The following PHACTR2 variants were observed in gnomAD, a reference collection of about 807,000 sequenced individuals.
PHACTR2 encodes the protein chromosome 6 open reading frame 56.
Under a neutral mutation model 76.0 loss-of-function variants are expected in PHACTR2, and 30 were observed. That is an observed-to-expected ratio of 0.39 (90% CI 0.30 to 0.54). The LOEUF (loss-of-function observed/expected upper bound fraction) is 0.54. Ranked by LOEUF, PHACTR2 falls within the 20% of genes least tolerant of loss-of-function variation. The pLI is 0.61. For synonymous variants in PHACTR2, 292 were observed against 292.5 expected, an observed-to-expected ratio of 1.00 and a Z score of 0.02; for missense variants, 696 against 781.1, an observed-to-expected ratio of 0.89 and a Z score of 1.30.
rs1777454063 is a variant in PHACTR2, at chr6:143,683,866, T to A, written c.46+5657T>A. 6.6e-6 allele frequency among the ~76,000 whole-genome samples: 1 copy of A among 152,192 alleles called. No individual in the cohort carries two copies. The highest frequency in any genetic ancestry group is 1.5e-5 in the Non-Finnish European group (1 of 68,036). On this transcript the variant is annotated intron_variant, in intron 1 of 12. Transcript: ENST00000440869. The surrounding 1 kb of genome is among the most constrained non-coding windows in gnomAD (Gnocchi z 4.1). ...ATCTATAACCCAGCATGAACAGTTT[T>A]TTTCATTCCACACAGTTTTCATTCA...
In PHACTR2 at chr6:143,592,447, G is replaced by A. The variant is rs1222560115; in HGVS notation, c.217+55240G>A. On this transcript the variant is annotated intron_variant, in intron 1 of 11. Coordinates refer to the PHACTR2 transcript ENST00000367584. The surrounding 1 kb of genome is among the most constrained non-coding windows in gnomAD (Gnocchi z 4.0). ...ATTAACTGAGATTTTTCCATCCAAAGCCTTGGATGGAAATCCTAATTCCAA... is the reference window on the plus strand; with the variant it reads ...ATTAACTGAGATTTTTCCATCCAAAACCTTGGATGGAAATCCTAATTCCAA... 6.6e-5 allele frequency among the ~76,000 whole-genome samples: 10 copies of A among 152,036 alleles called. No homozygotes were observed. Among genetic ancestry groups the A allele is most frequent in the Non-Finnish European group, 1.5e-4 (10 of 68,006 alleles).
At chr6:143,574,728 T>A (rs1266284998) in intron 1 of PHACTR2, among the ~76,000 whole-genome samples, 3 of 151,930 alleles carry the variant, frequency 2.0e-5, no homozygotes, top group Non-Finnish European at 4.4e-5. Flanking sequence ...GTCAGTTATG[T>A]TGGAAATTTG....
chr6:143,709,755 T>C lies in PHACTR2; in HGVS notation c.47-2261T>C, dbSNP rs1325379515. ...CCTTGATACCACAGTTGGGGTGGTC[T>C]TGTTCCCAGTGTGCAATGATTTGGC... On this transcript the variant is annotated intron_variant, in intron 1 of 12. Coordinates refer to ENST00000440869, the MANE Select transcript of PHACTR2 (RefSeq NM_001100164.2). This position sits in a 1 kb window ranked among gnomAD's most constrained non-coding sequence, Gnocchi z 4.4. Among the ~76,000 whole-genome samples the C allele has an allele frequency of 6.6e-6, 1 of 152,150 alleles. No homozygotes were observed. The highest frequency in any genetic ancestry group is 1.5e-5 in the Non-Finnish European group (1 of 68,008).
Position 143,827,167 on chromosome 6 carries a change from T to A in PHACTR2, c.*3478T>A, listed in dbSNP as rs958900718. 63 of 83,386 alleles carry A rather than the reference T, an allele frequency of 7.6e-4. No individual in the cohort carries two copies. The highest frequency in any genetic ancestry group is 2.5e-3 in the African/African-American group (61 of 23,974). The allele number at this position is 83,386 out of a possible 1,614,324, so 5.2% of individuals were successfully genotyped here. On this transcript the variant is annotated 3_prime_UTR_variant, in exon 13 of 13. Coordinates refer to ENST00000440869, the MANE Select transcript of PHACTR2 (RefSeq NM_001100164.2). ...CATTAAAAAAGAAAATATATATATA[T>A]ATATATATATATATATATATATATA... is the stretch of plus-strand genomic sequence containing the variant.
Position 143,617,990 on chromosome 6 carries a change from A to G in PHACTR2, c.13+9668A>G, listed in dbSNP as rs182917006. Among the ~76,000 whole-genome samples the G allele has an allele frequency of 4.3e-4, 66 of 152,316 alleles. 1 individual carries two copies. The highest frequency in any genetic ancestry group is 1.4e-3 in the African/African-American group (57 of 41,566). ...CACCACAGTGGCAAAAACTATTTCT[A>G]AAGAGACTACATGTGAAATTTAACT... is the stretch of plus-strand genomic sequence containing the variant. On this transcript the variant is annotated intron_variant, in intron 1 of 11. Coordinates refer to the PHACTR2 transcript ENST00000305766. This position sits in a 1 kb window ranked among gnomAD's most constrained non-coding sequence, Gnocchi z 4.8.
rs1271462972 is a variant in PHACTR2 at position 143,803,368 on chromosome 6, C to T, written c.1846-3689C>T. Among the ~76,000 whole-genome samples, 1 of 151,980 alleles carries T rather than the reference C, an allele frequency of 6.6e-6. No homozygotes were observed. Among genetic ancestry groups the T allele is most frequent in the Non-Finnish European group, 1.5e-5 (1 of 68,008 alleles). ...TTTGAGACCAGCCTGGCCAACATTG[C>T]GAAATCCATCTCCACAAAAGATACA... On this transcript the variant is annotated intron_variant, in intron 11 of 12. Coordinates refer to ENST00000440869, the MANE Select transcript of PHACTR2 (RefSeq NM_001100164.2). This position sits in a 1 kb window ranked among gnomAD's most constrained non-coding sequence, Gnocchi z 4.7.
rs1775799483 is a variant in PHACTR2, at chr6:143,795,204, A to G, written c.1845+6294A>G. ...CAAGGTGGGAGGGTCACTTGAGGCCAGGAGTTAAAGACCAGCCTGAGCAAC... is the reference window on the plus strand; with the variant it reads ...CAAGGTGGGAGGGTCACTTGAGGCCGGGAGTTAAAGACCAGCCTGAGCAAC... On this transcript the variant is annotated intron_variant, in intron 11 of 12. Transcript: ENST00000440869. The surrounding 1 kb of genome is among the most constrained non-coding windows in gnomAD (Gnocchi z 4.8). Among the ~76,000 whole-genome samples, 3 of 152,200 alleles carry G rather than the reference A, an allele frequency of 2.0e-5. No homozygotes were observed. The highest frequency in any genetic ancestry group is 4.4e-5 in the Non-Finnish European group (3 of 68,036).
intron 1 of PHACTR2, among the ~76,000 whole-genome samples, chr6:143,600,441 A>G (rs565128326): frequency 6.6e-6 from 1 of 152,380 alleles, no homozygotes; most frequent in African/African-American, 2.4e-5. Context: ...CATTGCTGCC[A>G]ACTCAATAAT....
At chr6:143,736,640 T>A (rs1322149281) in intron 2 of PHACTR2, among the ~76,000 whole-genome samples, 1 of 128,398 alleles carries the variant, frequency 7.8e-6, no homozygotes. Flanking sequence ...AGTGGCAAGA[T>A]CTCGGCTCAC....
At chr6:143,669,318 C>G (rs1427966215) in intron 1 of PHACTR2, among the ~76,000 whole-genome samples, 3 of 152,044 alleles carry the variant, frequency 2.0e-5, no homozygotes, top group East Asian at 1.9e-4. Context: ...AGAATAGGTG[C>G]AATGTGGTGC....
rs1054632163 is a variant in PHACTR2 at position 143,764,783 on chromosome 6, A to G, written c.695-478A>G. Among the ~76,000 whole-genome samples, 1 of 152,198 alleles carries G rather than the reference A, an allele frequency of 6.6e-6. No homozygotes were observed. Among genetic ancestry groups the G allele is most frequent in the African/African-American group, 2.4e-5 (1 of 41,444 alleles). On this transcript the variant is annotated intron_variant, in intron 5 of 12. Transcript: ENST00000440869. This position sits in a 1 kb window ranked among gnomAD's most constrained non-coding sequence, Gnocchi z 4.7. The stretch of plus-strand genomic sequence containing the variant: ...TTTGACCCAGAAAGAAGCTGGATAT[A>G]TACCCCAGTCTCTTCTGAATACAGG...
At position 143,592,398 on chromosome 6, in the gene PHACTR2, C is replaced by T. The variant is rs9321929; in HGVS notation, c.217+55191C>T. Among the ~76,000 whole-genome samples the T allele has an allele frequency of 0.42, 63,923 of 151,778 alleles. 13,884 individuals are homozygous for T. Among genetic ancestry groups the T allele is most frequent in the African/African-American group, 0.46 (19,159 of 41,374 alleles). On this transcript the variant is annotated intron_variant, in intron 1 of 11. Coordinates refer to the PHACTR2 transcript ENST00000367584. The surrounding 1 kb of genome is among the most constrained non-coding windows in gnomAD (Gnocchi z 4.0). Reference sequence around the variant, plus strand: ...TTACCCAATTTCAGGAAAAGGTAAGCCTAAGAAGAGGTAGGGAACCCCAAT... The same window carrying T: ...TTACCCAATTTCAGGAAAAGGTAAGTCTAAGAAGAGGTAGGGAACCCCAAT...
intron 11 of PHACTR2, among the ~76,000 whole-genome samples, chr6:143,798,109 T>G (rs1775867136): frequency 6.6e-6 from 1 of 152,034 alleles, no homozygotes; most frequent in African/African-American, 2.4e-5. Flanking sequence ...GAAGAGGTCC[T>G]TCATATCCCT....
At chr6:143,771,174 G>GTGTGTATATATACA (rs1249001189) in intron 6 of PHACTR2, among the ~76,000 whole-genome samples, 1 of 68,898 alleles carries the variant, frequency 1.5e-5, no homozygotes, top group Non-Finnish European at 2.7e-5. Context: ...ATATATATAT[G>GTGTGTATATATACA]TATATATATA....
In PHACTR2 at chr6:143,801,260, G is replaced by T. The variant is rs905193586; in HGVS notation, c.1846-5797G>T. On this transcript the variant is annotated intron_variant, in intron 11 of 12. Transcript: ENST00000440869. This position sits in a 1 kb window ranked among gnomAD's most constrained non-coding sequence, Gnocchi z 4.6. The stretch of plus-strand genomic sequence containing the variant: ...TGTTGGCCTCTCTTGCTAGGTTGGG[G>T]AAGTTCTCCTGGATAATATCCTGAA... Among the ~76,000 whole-genome samples the T allele has an allele frequency of 1.3e-5, 2 of 152,286 alleles. No individual in the cohort carries two copies. Among genetic ancestry groups the T allele is most frequent in the African/African-American group, 4.8e-5 (2 of 41,558 alleles).
At position 143,801,442 on chromosome 6, in the gene PHACTR2, T is replaced by C. The variant is rs1775952627; in HGVS notation, c.1846-5615T>C. ...ATCTTGTCTTCTCACTTTATTTCATTAATTTGATCTTCAATCACTGATATA... is the reference window on the plus strand; with the variant it reads ...ATCTTGTCTTCTCACTTTATTTCATCAATTTGATCTTCAATCACTGATATA... On this transcript the variant is annotated intron_variant, in intron 11 of 12. Coordinates refer to ENST00000440869, the MANE Select transcript of PHACTR2 (RefSeq NM_001100164.2). This position sits in a 1 kb window ranked among gnomAD's most constrained non-coding sequence, Gnocchi z 4.6. Among the ~76,000 whole-genome samples the C allele has an allele frequency of 1.3e-5, 2 of 152,196 alleles. No homozygotes were observed.
At position 143,618,287 on chromosome 6, in the gene PHACTR2, G is replaced by GCA. The variant is rs66972006; in HGVS notation, c.13+9969_13+9970dup. Among the ~76,000 whole-genome samples, 28,017 of 133,712 alleles carry GCA rather than the reference G, an allele frequency of 0.21. 2,825 individuals carry two copies. Among genetic ancestry groups the GCA allele is most frequent in the South Asian group, 0.29 (1,282 of 4,432 alleles). 87.7% of individuals were successfully genotyped at this position (133,712 alleles called of 152,430 possible). A position where few individuals can be genotyped will look rare whatever the true frequency, so the allele number is the denominator to read the frequency against. On this transcript the variant is annotated intron_variant, in intron 1 of 11. Transcript: ENST00000305766. This position sits in a 1 kb window ranked among gnomAD's most constrained non-coding sequence, Gnocchi z 5.2. ...CACACACACACACACACACACACAC[G>GCA]CACACTCCAGAATGAGTTTCAGATC...
intron 6 of PHACTR2, among the ~76,000 whole-genome samples, chr6:143,771,125 A>G (rs1775091342): frequency 8.6e-6 from 1 of 116,948 alleles, no homozygotes; most frequent in Non-Finnish European, 1.7e-5. Flanking sequence ...TCATATATGT[A>G]CTTTACATAT....
rs1418370339 is a variant in PHACTR2, at chr6:143,652,249, A to G, written c.13+43927A>G. 1.3e-5 allele frequency among the ~76,000 whole-genome samples: 2 copies of G among 152,222 alleles called. No individual in the cohort carries two copies. Among genetic ancestry groups the G allele is most frequent in the Non-Finnish European group, 2.9e-5 (2 of 68,034 alleles). ...TTAAATACATACCATTTCTTGAAAT[A>G]CATTTATTAAGCACAGATGAGTGTT... On this transcript the variant is annotated intron_variant, in intron 1 of 11. Coordinates refer to the PHACTR2 transcript ENST00000305766. The surrounding 1 kb of genome is among the most constrained non-coding windows in gnomAD (Gnocchi z 4.5).
Sources: allele counts gnomAD v4.1 joint callset (sites outside exome capture counted in the v4.1 genomes callset), GRCh38; gene constraint gnomAD v4.1.1; non-coding constraint Gnocchi (gnomAD v3.1); transcripts MANE v1.5; gene names NCBI Gene and HGNC (gene_info 2026-07-23, HGNC 2026-07-21).